The following LGI1 variants were observed in gnomAD, a reference collection of about 807,000 sequenced individuals.
LGI1 encodes the protein leucine rich glioma inactivated 1.
A neutral mutation model predicts 57.7 loss-of-function variants in LGI1; 11 were observed. The observed-to-expected ratio is 0.19, with a 90% CI of 0.12 to 0.32. LGI1 has a LOEUF of 0.32. Among genes scored for constraint, LGI1 ranks in the 10% least tolerant of loss-of-function variants. The pLI is 1.00. For synonymous variants in LGI1, 222 were observed against 241.9 expected (o/e 0.92, Z 0.76); for missense variants, 422 against 661.9 (o/e 0.64, Z 3.98).
intron 2 of LGI1, chr10:93,771,507 G>C (rs956069751): frequency 6.6e-6 from 1 of 152,116 alleles, no homozygotes; most frequent in African/African-American, 2.4e-5. Context: ...ATAGACATGG[G>C]AGACTGAGAA....
chr10:93,782,400 T>C (rs1170991635), intron 4 of LGI1, among the ~76,000 whole-genome samples: 1 of 152,220 alleles, frequency 6.6e-6, no homozygotes. Context: ...CAAGGTTGTC[T>C]TGAGATTAAG....
At chr10:93,792,426 G>T in intron 5 of LGI1, 1 of 280,902 alleles carries the variant, frequency 3.6e-6, no homozygotes, top group Non-Finnish European at 6.7e-6. Context: ...CTTTTTTAAT[G>T]TGGCTATAGA....
At chr10:93,772,483 T>C (rs1251184291) in intron 2 of LGI1, among the ~76,000 whole-genome samples, 1 of 152,142 alleles carries the variant, frequency 6.6e-6, no homozygotes, top group Non-Finnish European at 1.5e-5. Flanking sequence ...AAAAGTTACA[T>C]CATGATATAT....
chr10:93,794,526 A>C (rs10748615), intron 7 of LGI1: 117,050 of 151,822 alleles, frequency 0.77, 49,907 homozygotes, highest in Non-Finnish European at 0.94. Flanking sequence ...ACCACGCCCT[A>C]ATAATTTTTT....
Position 93,783,331 on chromosome 10 carries a change from G to C in LGI1, c.431+5714G>C, listed in dbSNP as rs561286032. On this transcript the variant is annotated intron_variant, in intron 4 of 7. Transcript: ENST00000371418. ...GTGGAGCTTGCAGTGAGCCGAGATCGCGCCACTGCACTCCAGCTTGGGTGA... is the reference window on the plus strand; with the variant it reads ...GTGGAGCTTGCAGTGAGCCGAGATCCCGCCACTGCACTCCAGCTTGGGTGA... 4.9e-3 allele frequency among the ~76,000 whole-genome samples: 743 copies of C among 152,282 alleles called. 9 individuals carry two copies. The highest frequency in any genetic ancestry group is 0.031 in the Middle Eastern group (9 of 294).
intron 4 of LGI1, among the ~76,000 whole-genome samples, chr10:93,782,478 A>C (rs1051565807): frequency 6.6e-6 from 1 of 152,104 alleles, no homozygotes; most frequent in Admixed American, 6.5e-5. Flanking sequence ...TATAACTAAA[A>C]CTCACTGCCC....
At chr10:93,761,902 T>C (rs972015384) in intron 2 of LGI1, among the ~76,000 whole-genome samples, 8 of 152,232 alleles carry the variant, frequency 5.3e-5, no homozygotes, top group Admixed American at 5.2e-4. Context: ...CTTTTAGTGA[T>C]AGAAAGTGGT....
At chr10:93,791,873 G>A (rs1422993243) in intron 5 of LGI1, 3 of 152,172 alleles carry the variant, frequency 2.0e-5, no homozygotes, top group African/African-American at 7.2e-5. Context: ...TGTAGACCAC[G>A]GAAGAGGATC....
At position 93,758,197 on chromosome 10, in the gene LGI1, G is replaced by T; in HGVS notation, c.53G>T (p.Arg18Ile). The change falls in exon 1 of 8, where the codon AGA (arginine) becomes ATA (isoleucine). Residue 18 changes from arginine to isoleucine, a missense_variant. Arg to Ile is a moderately conservative substitution (Grantham distance 97). Coordinates refer to ENST00000371418, the MANE Select transcript of LGI1 (RefSeq NM_005097.4). This position sits in a 1 kb window ranked among gnomAD's most constrained non-coding sequence, Gnocchi z 4.7. ...RMGNACIPLK[R>I]IAYFLCLLSA... Reference sequence around the variant, plus strand: ...GGAAATGCCTGCATTCCCCTGAAAAGAATTGCTTATTTCCTATGTCTCTTA... The same window carrying T: ...GGAAATGCCTGCATTCCCCTGAAAATAATTGCTTATTTCCTATGTCTCTTA... 4 of 1,614,184 alleles carry T rather than the reference G, an allele frequency of 2.5e-6. No individual in the cohort carries two copies. The highest frequency in any genetic ancestry group is 3.4e-6 in the Non-Finnish European group (4 of 1,180,030).
At chr10:93,776,845 C>G (rs2059799018) in intron 2 of LGI1, 1 of 163,074 alleles carries the variant, frequency 6.1e-6, no homozygotes, top group African/African-American at 2.4e-5. Flanking sequence ...CTCATGTTTC[C>G]CATTTTCAGT....
chr10:93,787,390 C>T (rs1237839323), intron 4 of LGI1, among the ~76,000 whole-genome samples: 4 of 152,182 alleles, frequency 2.6e-5, no homozygotes, highest in Admixed American at 6.5e-5. Flanking sequence ...CACAGCCCAT[C>T]GGGCCAGCCT....
At position 93,790,086 on chromosome 10, in the gene LGI1, T is replaced by TTC. The variant is rs1238338261; in HGVS notation, c.432-12_432-11insCT. 6.3e-7 allele frequency: 1 copy of TTC among 1,597,192 alleles called. No individual in the cohort carries two copies. The highest frequency in any genetic ancestry group is 1.7e-5 in the Admixed American group (1 of 59,226). ...CACTACAGTTTACATCACCTTTTTT[T>TTC]TTTTTTTTCCAGGAGCCTTGCAAAC... On this transcript the variant is annotated splice_polypyrimidine_tract_variant and intron_variant, in intron 4 of 7. Transcript: ENST00000371418.
intron 2 of LGI1, chr10:93,770,031 A>G (rs1177992431): frequency 2.0e-5 from 3 of 152,256 alleles, no homozygotes; most frequent in Non-Finnish European, 4.4e-5. Flanking sequence ...AGACAATGGG[A>G]AGTTTTCTTA....
chr10:93,761,391 C>T lies in LGI1; in HGVS notation c.287+2560C>T, dbSNP rs574742762. On this transcript the variant is annotated intron_variant, in intron 2 of 7. Coordinates refer to ENST00000371418, the MANE Select transcript of LGI1 (RefSeq NM_005097.4). ...GAAGAGATAAATTTCAGAATCAATT[C>T]GGCTTGATTGACGTAGGAAGACAGT... Among the ~76,000 whole-genome samples the T allele has an allele frequency of 7.9e-5, 12 of 152,286 alleles. No homozygotes were observed. The East Asian group carries it at 2.3e-3, about 29-fold the overall frequency.
chr10:93,772,429 T>C (rs1170122157), intron 2 of LGI1, among the ~76,000 whole-genome samples: 1 of 152,126 alleles, frequency 6.6e-6, no homozygotes, highest in Non-Finnish European at 1.5e-5. Context: ...ATAAGGATGG[T>C]TATAATCATG....
chr10:93,777,391 G>T lies in LGI1; in HGVS notation c.300G>T (p.Ser100=). Reference sequence around the variant, plus strand: ...TTTTTCTGGGCAGGTTATTCACATCGAACTCCTTTGATGTGATCAGTGATG... The same window carrying T: ...TTTTTCTGGGCAGGTTATTCACATCTAACTCCTTTGATGTGATCAGTGATG... The part of the protein sequence containing the change: ...TPSLQLLLFT[S]NSFDVISDDA... Residue 100 remains serine (S), a synonymous_variant, in exon 3 of 8, where the codon TCG becomes TCT. Transcript: ENST00000371418. 2 of 1,613,634 alleles carry T rather than the reference G, an allele frequency of 1.2e-6. No individual in the cohort carries two copies. The highest frequency in any genetic ancestry group is 1.7e-6 in the Non-Finnish European group (2 of 1,179,650).
At chr10:93,788,501 A>C (rs1329196588) in intron 4 of LGI1, 2 of 152,222 alleles carry the variant, frequency 1.3e-5, no homozygotes, top group Non-Finnish European at 2.9e-5. Context: ...CTTAAAAATG[A>C]AACAACTGAA....
At chr10:93,760,685 T>C (rs976730446) in intron 2 of LGI1, among the ~76,000 whole-genome samples, 1 of 152,208 alleles carries the variant, frequency 6.6e-6, no homozygotes, top group African/African-American at 2.4e-5. Flanking sequence ...ATAGAAATAG[T>C]TACCGGCTGC....
At chr10:93,776,269 C>A (rs2059793060) in intron 2 of LGI1, among the ~76,000 whole-genome samples, 1 of 152,158 alleles carries the variant, frequency 6.6e-6, no homozygotes, top group African/African-American at 2.4e-5. Context: ...CCATTCTCCA[C>A]ATTTTTATGA....
Sources: gnomAD v4.1 joint callset for allele counts (sites outside exome capture counted in the v4.1 genomes callset) on GRCh38, gnomAD v4.1.1 for gene constraint, Gnocchi (gnomAD v3.1) non-coding constraint, MANE v1.5 for transcripts, NCBI Gene and HGNC (gene_info 2026-07-23, HGNC 2026-07-21) for gene names.